MTMR10: variants seen among roughly 807,000 people sequenced by gnomAD.
MTMR10 encodes myotubularin-related protein 10.
MTMR10 carries 56 observed loss-of-function variants against 88.1 expected under a neutral mutation model. The observed-to-expected ratio is 0.64, with a 90% CI of 0.51 to 0.79. The LOEUF is 0.79. Ranked by LOEUF, MTMR10 falls within the 30% of genes least tolerant of loss-of-function variation. The probability of loss-of-function intolerance (pLI) is 0.00; values close to 1 mark genes in which losing one functional copy is unlikely to be tolerated. For synonymous variants in MTMR10, 380 were observed against 340.9 expected (o/e 1.11, Z -1.26); for missense variants, 883 against 924.7 (o/e 0.95, Z 0.58).
At chr15:30,977,195 A>C (rs1226617836) in intron 2 of MTMR10, among the ~76,000 whole-genome samples, 1 of 152,238 alleles carries the variant, frequency 6.6e-6, no homozygotes, top group African/African-American at 2.4e-5. Flanking sequence ...TGAACCAGAA[A>C]GGCTGACTTC....
chr15:30,928,674 C>T, the MTMR10 span: 2 of 1,613,180 alleles, frequency 1.2e-6, no homozygotes, highest in Non-Finnish European at 1.7e-6. Flanking sequence ...AGTGCCCCTG[C>T]CCCACGAGTA....
intron 14 of MTMR10, 177 bp from the exon 15 acceptor site, chr15:30,943,249 G>A (rs7168641): frequency 0.31 from 418,624 of 1,357,792 alleles, 67,566 homozygotes; most frequent in Non-Finnish European, 0.33. Context: ...GAGCTCAGAG[G>A]GCCCCACAGT....
rs781668189 is a variant in MTMR10, at chr15:30,941,862, G to A, written c.1942C>T (p.Arg648Cys). The change falls in exon 16 of 16, where the codon CGT becomes TGT. Residue 648 changes from arginine (R) to cysteine (C), a missense_variant. Transcript: ENST00000435680. ...AGTTTTATGTGTGTTCCAGAGACAC[G>A]TGGCAGAATAACACCGTGCAGGTTG... is the stretch of plus-strand genomic sequence containing the variant. ...PANLHGVILP[R>C]VSGTHIKLWK... is the part of the protein sequence containing the mutation. 2.0e-5 allele frequency: 33 copies of A among 1,614,046 alleles called. No homozygotes were observed. The highest frequency in any genetic ancestry group is 5.5e-5 in the South Asian group (5 of 91,088).
downstream of MTMR10, among the ~76,000 whole-genome samples, chr15:30,934,785 T>C (rs1419063968): frequency 6.6e-6 from 1 of 152,224 alleles, no homozygotes; most frequent in African/African-American, 2.4e-5. Context: ...CTTAAACTTA[T>C]CCACCTTCAG....
At chr15:30,922,085 C>T in the MTMR10 span, 1 of 980,248 alleles carries the variant, frequency 1.0e-6, no homozygotes, top group Non-Finnish European at 1.5e-6. Context: ...CTCAAAGTCC[C>T]TGTCCTGTCA....
rs2063152150 is a variant in MTMR10, at chr15:30,945,172, G to C, written c.1548+1958C>G. Among the ~76,000 whole-genome samples, 3 of 152,134 alleles carry C rather than the reference G, an allele frequency of 2.0e-5. No homozygotes were observed. The South Asian group carries it at 6.2e-4, about 32-fold the overall frequency. ...AATGCTTTGGGCTTTTGCCTGTGTG[G>C]AAGGGGCTGAGAACGGTTAAGAATC... On this transcript the variant is annotated intron_variant, in intron 14 of 15. Coordinates refer to ENST00000435680, the MANE Select transcript of MTMR10 (RefSeq NM_017762.3).
chr15:30,947,108 C>T, intron 14 of MTMR10, 22 bp downstream of exon 14: 2 of 1,565,696 alleles, frequency 1.3e-6, no homozygotes, highest in South Asian at 1.2e-5. Context: ...GAAAACGTAG[C>T]CACAGCCACA....
At chr15:30,956,701 T>C (rs911387728) in intron 9 of MTMR10, among the ~76,000 whole-genome samples, 16 of 152,222 alleles carry the variant, frequency 1.1e-4, no homozygotes, top group Admixed American at 5.9e-4. Flanking sequence ...GTTCTACTTA[T>C]GAAGAATAGG....
At chr15:30,959,438 A>G (rs1163938760) in intron 7 of MTMR10, among the ~76,000 whole-genome samples, 1 of 152,240 alleles carries the variant, frequency 6.6e-6, no homozygotes, top group African/African-American at 2.4e-5. Flanking sequence ...TTCTCTTGAC[A>G]GGCTATGGTT....
rs146747292 is a variant in MTMR10 at position 30,985,082 on chromosome 15, C to T, written c.121+5695G>A. Reference sequence around the variant, plus strand: ...ACAAATTCATTATCGTTAGTCTTGGCATTTCAACTCTTCTCCCTTAAAAAA... The same window carrying T: ...ACAAATTCATTATCGTTAGTCTTGGTATTTCAACTCTTCTCCCTTAAAAAA... On this transcript the variant is annotated intron_variant, in intron 2 of 15. Transcript: ENST00000435680. Among the ~76,000 whole-genome samples, 828 of 152,312 alleles carry T rather than the reference C, an allele frequency of 5.4e-3. 10 individuals carry two copies. The highest frequency in any genetic ancestry group is 0.019 in the African/African-American group (770 of 41,576).
chr15:30,926,600 A>T, the MTMR10 span: 5 of 984,252 alleles, frequency 5.1e-6, no homozygotes, highest in Non-Finnish European at 6.0e-6. Context: ...TATCTTTATT[A>T]CTTACAGGGA....
At position 30,975,319 on chromosome 15, in the gene MTMR10, G is replaced by A. The variant is rs1440492067; in HGVS notation, c.259-316C>T. Among the ~76,000 whole-genome samples, 3 of 152,118 alleles carry A rather than the reference G, an allele frequency of 2.0e-5. No homozygotes were observed. In the East Asian group the frequency reaches 5.8e-4, roughly 29 times the overall value. Reference sequence around the variant, plus strand: ...GCTCTTAGGTCATCAGATTTTAAGTGGGTAAAATCATGTTTGATTTTCACA... The same window carrying A: ...GCTCTTAGGTCATCAGATTTTAAGTAGGTAAAATCATGTTTGATTTTCACA... On this transcript the variant is annotated intron_variant, in intron 3 of 15. Coordinates refer to ENST00000435680, the MANE Select transcript of MTMR10 (RefSeq NM_017762.3).
chr15:30,965,662 C>T (rs2063464325), intron 6 of MTMR10, among the ~76,000 whole-genome samples: 2 of 152,132 alleles, frequency 1.3e-5, no homozygotes, highest in Admixed American at 6.6e-5. Flanking sequence ...TGTTCCAAAG[C>T]CTGGGTGCTA....
intron 14 of MTMR10, among the ~76,000 whole-genome samples, chr15:30,945,045 G>A (rs968429296): frequency 6.6e-6 from 1 of 151,092 alleles, no homozygotes; most frequent in Non-Finnish European, 1.5e-5. Flanking sequence ...TTTTTAAAAG[G>A]TAAAAATTAA....
downstream of MTMR10, among the ~76,000 whole-genome samples, chr15:30,934,706 A>G (rs951681706): frequency 6.6e-6 from 1 of 152,156 alleles, no homozygotes; most frequent in African/African-American, 2.4e-5. Context: ...ATTGCATTTG[A>G]TAGCTTTGCT....
At chr15:30,938,377 G>T (rs1474715128), downstream of MTMR10, among the ~76,000 whole-genome samples, 1 of 152,172 alleles carries the variant, frequency 6.6e-6, no homozygotes, top group East Asian at 1.9e-4. Context: ...ACATTCTCAT[G>T]AAGTTGTGTT....
the MTMR10 span, among the ~76,000 whole-genome samples, chr15:30,929,614 TAA>T: frequency 1.6e-5 from 2 of 129,028 alleles, no homozygotes; most frequent in African/African-American, 3.0e-5. Context: ...ATTACATATA[TAA>T]TATATATTAT....
downstream of MTMR10, chr15:30,937,190 G>C (rs1355427264): frequency 6.2e-7 from 1 of 1,614,168 alleles, no homozygotes. Context: ...AACTGCAGAA[G>C]CTGGGGGCTG....
the MTMR10 span, chr15:30,929,393 C>T: frequency 6.2e-7 from 1 of 1,602,404 alleles, no homozygotes; most frequent in Non-Finnish European, 8.5e-7. Context: ...CTTCAGCAAG[C>T]TCAGGTAATG....
Sources: allele counts gnomAD v4.1 joint callset (sites outside exome capture counted in the v4.1 genomes callset), GRCh38; gene constraint gnomAD v4.1.1; transcripts MANE v1.5; gene names NCBI Gene and HGNC (gene_info 2026-07-23, HGNC 2026-07-21).